Variants in HPSE2 observed in about 807,000 individuals in gnomAD.
HPSE2 encodes heparanase 2 (inactive).
In HPSE2, 38 loss-of-function variants were observed where a neutral mutation model predicts 60.5. That is an observed-to-expected ratio of 0.63 (90% confidence interval 0.48 to 0.82). The LOEUF is 0.82. HPSE2 is among the 40% of genes least tolerant of loss of function. HPSE2 has a pLI of 0.00. For synonymous variants in HPSE2, 295 were observed against 293.2 expected, an observed-to-expected ratio of 1.01 and a Z score of -0.06; for missense variants, 713 against 740.4, an observed-to-expected ratio of 0.96 and a Z score of 0.43.
At chr10:99,072,685 G>A (rs970313798) in intron 3 of HPSE2, among the ~76,000 whole-genome samples, 1 of 152,080 alleles carries the variant, frequency 6.6e-6, no homozygotes, top group African/African-American at 2.4e-5. Context: ...CAGCACTTTG[G>A]GAGGCCAAGG....
Position 98,458,169 on chromosome 10 carries a change from C to A in HPSE2, c.*1405G>T, listed in dbSNP as rs1368415432. ...TCTGCCCTAGGCAACCCTGCCTTGC[C>A]CCCGCCCCATTCCTGTCCTTTCACA... On this transcript the variant is annotated 3_prime_UTR_variant, in exon 12 of 12. Transcript: ENST00000370552. The A allele has an allele frequency of 6.6e-6, 1 of 152,274 alleles. No homozygotes were observed. The highest frequency in any genetic ancestry group is 1.5e-5 in the Non-Finnish European group (1 of 68,174). 9.4% of individuals were successfully genotyped at this position (152,274 alleles called of 1,614,324 possible). A position where few individuals can be genotyped will look rare whatever the true frequency, so the allele number is the denominator to read the frequency against.
intron 3 of HPSE2, among the ~76,000 whole-genome samples, chr10:98,773,166 T>A (rs1950275860): frequency 6.6e-6 from 1 of 152,202 alleles, no homozygotes; most frequent in East Asian, 1.9e-4. Context: ...TAGGGACATA[T>A]GCAAGAATCT....
chr10:98,917,553 T>C (rs996103208), intron 3 of HPSE2, among the ~76,000 whole-genome samples: 1 of 152,228 alleles, frequency 6.6e-6, no homozygotes, highest in Admixed American at 6.5e-5. Flanking sequence ...TCTCTGAGCA[T>C]CCAATTCTTC....
chr10:99,074,336 T>C (rs1223488414), intron 3 of HPSE2, among the ~76,000 whole-genome samples: 1 of 152,194 alleles, frequency 6.6e-6, no homozygotes, highest in Non-Finnish European at 1.5e-5. Flanking sequence ...TTCTTCATTC[T>C]GTTTATGGGG....
intron 11 of HPSE2, among the ~76,000 whole-genome samples, chr10:98,468,770 A>G (rs1187394706): frequency 6.6e-6 from 1 of 151,966 alleles, no homozygotes; most frequent in East Asian, 1.9e-4. Flanking sequence ...CTCTTCCTCT[A>G]CTGTTGTTAA....
chr10:99,141,307 G>A (rs1845859088), intron 3 of HPSE2, among the ~76,000 whole-genome samples: 1 of 152,030 alleles, frequency 6.6e-6, no homozygotes, highest in African/African-American at 2.4e-5. Flanking sequence ...TGCAGTACAT[G>A]ACTCATCACC....
At chr10:98,984,586 T>G (rs1414100227) in intron 3 of HPSE2, among the ~76,000 whole-genome samples, 1 of 152,042 alleles carries the variant, frequency 6.6e-6, no homozygotes, top group African/African-American at 2.4e-5. Flanking sequence ...TCAGAGTGCC[T>G]CTCCTCCTAC....
At chr10:98,573,291 C>A (rs1186998665) in intron 9 of HPSE2, among the ~76,000 whole-genome samples, 3 of 152,186 alleles carry the variant, frequency 2.0e-5, no homozygotes, top group African/African-American at 7.2e-5. Context: ...CTGGAACTCA[C>A]TTCTATTGTA....
intron 4 of HPSE2, among the ~76,000 whole-genome samples, chr10:98,735,022 C>G (rs1271894379): frequency 6.6e-6 from 1 of 152,048 alleles, no homozygotes; most frequent in African/African-American, 2.4e-5. Flanking sequence ...AATCCATAGT[C>G]TACATTTGGG....
intron 9 of HPSE2, among the ~76,000 whole-genome samples, chr10:98,506,599 G>A (rs971281720): frequency 2.3e-4 from 35 of 152,074 alleles, no homozygotes; most frequent in Non-Finnish European, 4.4e-5. Context: ...CAGGAATACA[G>A]GTGTGCACCA....
chr10:98,717,566 C>T (rs920191142), intron 5 of HPSE2, among the ~76,000 whole-genome samples: 2 of 151,962 alleles, frequency 1.3e-5, no homozygotes, highest in Non-Finnish European at 2.9e-5. Context: ...ATTGTTGCAT[C>T]TCAGGGAATA....
chr10:98,559,569 C>G (rs1027342907), intron 9 of HPSE2, among the ~76,000 whole-genome samples: 1 of 152,194 alleles, frequency 6.6e-6, no homozygotes, highest in Non-Finnish European at 1.5e-5. Context: ...CTCCCCTTAT[C>G]TGCTTCCTGA....
intron 3 of HPSE2, among the ~76,000 whole-genome samples, chr10:98,971,995 AC>A (rs1237249595): frequency 6.6e-6 from 1 of 152,040 alleles, no homozygotes; most frequent in African/African-American, 2.4e-5. Flanking sequence ...TTATCCCTTA[AC>A]AAATCATTGT....
At chr10:99,121,237 A>T (rs1467159571) in intron 3 of HPSE2, among the ~76,000 whole-genome samples, 1 of 152,214 alleles carries the variant, frequency 6.6e-6, no homozygotes, top group Non-Finnish European at 1.5e-5. Flanking sequence ...TGGGAGCTAA[A>T]CAATGAAAAC....
chr10:98,512,580 G>A (rs1447304792), intron 9 of HPSE2, among the ~76,000 whole-genome samples: 3 of 94,102 alleles, frequency 3.2e-5, no homozygotes, highest in African/African-American at 6.2e-5. Flanking sequence ...GTGAGACTGC[G>A]TCTCAAAAAA....
At chr10:99,093,580 T>G (rs1843593636) in intron 3 of HPSE2, among the ~76,000 whole-genome samples, 1 of 152,104 alleles carries the variant, frequency 6.6e-6, no homozygotes, top group Non-Finnish European at 1.5e-5. Flanking sequence ...GCCATCTTCT[T>G]CCAAGATGGT....
At chr10:98,922,179 A>G (rs1256191288) in intron 3 of HPSE2, among the ~76,000 whole-genome samples, 1 of 152,198 alleles carries the variant, frequency 6.6e-6, no homozygotes, top group East Asian at 1.9e-4. Context: ...AATATTTTAT[A>G]CTGTTTTCAA....
intron 11 of HPSE2, among the ~76,000 whole-genome samples, chr10:98,479,396 G>C (rs927091167): frequency 6.6e-6 from 1 of 152,172 alleles, no homozygotes; most frequent in Non-Finnish European, 1.5e-5. Context: ...ATAAAAGAGA[G>C]AAAGAGACAC....
intron 3 of HPSE2, among the ~76,000 whole-genome samples, chr10:98,960,740 A>ATTTT (rs63389761): frequency 2.1e-5 from 2 of 95,914 alleles, no homozygotes; most frequent in Admixed American, 1.1e-4. Flanking sequence ...TTTTTATTTT[A>ATTTT]TTTTTTTTTT....
Sources: gnomAD v4.1 joint callset for allele counts (sites outside exome capture counted in the v4.1 genomes callset) on GRCh38, gnomAD v4.1.1 for gene constraint, MANE v1.5 for transcripts, NCBI Gene and HGNC (gene_info 2026-07-23, HGNC 2026-07-21) for gene names.